Variants in GTF3C5 observed in about 807,000 individuals in gnomAD.
GTF3C5 encodes general transcription factor IIIC subunit 5, also known as general transcription factor 3C polypeptide 5.
In GTF3C5, 47 loss-of-function variants were observed where a neutral mutation model predicts 61.0. The ratio of observed to expected loss-of-function variants is 0.77; its 90% CI spans 0.61 to 0.98. The LOEUF is 0.98. Among genes scored for constraint, GTF3C5 ranks in the 50% least tolerant of loss-of-function variants. GTF3C5 has a pLI of 0.00. For missense variants in GTF3C5, 659 were observed against 703.3 expected (o/e 0.94, Z 0.71); for synonymous variants, 295 against 275.4 (o/e 1.07, Z -0.71).
chr9:133,035,788 G>C (rs910503655), intron 1 of GTF3C5, among the ~76,000 whole-genome samples: 1 of 152,124 alleles, frequency 6.6e-6, no homozygotes, highest in Non-Finnish European at 1.5e-5. Context: ...TGGTGTCCTG[G>C]GACATGGACA....
At chr9:133,056,181 CG>C (rs1829933825) in intron 9 of GTF3C5, 87 bp downstream of exon 9, 1 of 1,068,114 alleles carries the variant, frequency 9.4e-7, no homozygotes, top group African/African-American at 1.6e-5. Context: ...CACTTCACGT[CG>C]GCCTTCATCT....
intron 1 of GTF3C5, among the ~76,000 whole-genome samples, chr9:133,037,845 A>G (rs547888132): frequency 6.6e-6 from 1 of 152,188 alleles, no homozygotes; most frequent in Admixed American, 6.5e-5. Context: ...AAGGGAACAA[A>G]CAGAAGAGCG....
At position 133,043,887 on chromosome 9, in the gene GTF3C5, C is replaced by T. The variant is rs932025853; in HGVS notation, c.533C>T (p.Ala178Val). The T allele has an allele frequency of 3.1e-6, 5 of 1,613,974 alleles. No homozygotes were observed. Among genetic ancestry groups the T allele is most frequent in the Non-Finnish European group, 4.2e-6 (5 of 1,179,970 alleles). The change falls in exon 3 of 11, where the codon GCC becomes GTC. Residue 178 changes from alanine (A) to valine (V), a missense_variant. Transcript: ENST00000372097. ...CCACCCATCTTCTCCCGGCTGGACG[C>T]CCCGGTGGACTACTTCTACCGACCA... is the stretch of plus-strand genomic sequence containing the variant. ...IPPPIFSRLD[A>V]PVDYFYRPET...
chr9:133,051,598 G>A (rs757014150), intron 4 of GTF3C5, among the ~76,000 whole-genome samples: 3 of 152,150 alleles, frequency 2.0e-5, no homozygotes, highest in Admixed American at 6.5e-5. Context: ...CGTGAGGCCC[G>A]CTGCCCCAGC....
chr9:133,057,671 C>T, intron 10 of GTF3C5, 143 bp from the exon 11 acceptor site: 2 of 696,346 alleles, frequency 2.9e-6, no homozygotes, highest in Non-Finnish European at 4.6e-6. Flanking sequence ...GGGGCCTCCA[C>T]CCCATACTTA....
chr9:133,032,808 TC>T (rs1331088229), intron 1 of GTF3C5, among the ~76,000 whole-genome samples: 3 of 152,142 alleles, frequency 2.0e-5, no homozygotes, highest in Non-Finnish European at 2.9e-5. Flanking sequence ...CGAACAATCT[TC>T]CCGTTAGATC....
chr9:133,043,167 A>G (rs1361835804), intron 2 of GTF3C5, among the ~76,000 whole-genome samples: 1 of 152,230 alleles, frequency 6.6e-6, no homozygotes, highest in Non-Finnish European at 1.5e-5. Context: ...TGGGTTGGGC[A>G]TTTTTAATGG....
chr9:133,036,143 C>T, intron 1 of GTF3C5, among the ~76,000 whole-genome samples: 1 of 152,166 alleles, frequency 6.6e-6, no homozygotes, highest in East Asian at 1.9e-4. Flanking sequence ...TAAATAAGTG[C>T]TGCCCTGTTT....
At chr9:133,040,680 G>C (rs559973683) in intron 1 of GTF3C5, among the ~76,000 whole-genome samples, 1 of 152,198 alleles carries the variant, frequency 6.6e-6, no homozygotes, top group South Asian at 2.1e-4. Flanking sequence ...TTGCATATGA[G>C]ACTAAATACC....
chr9:133,044,145 C>CAAA, intron 3 of GTF3C5: 1 of 140,864 alleles, frequency 7.1e-6, no homozygotes. Context: ...ACTTTGTCTC[C>CAAA]CAAAAAAAAA....
chr9:133,042,952 G>A lies in GTF3C5; in HGVS notation c.373+646G>A, dbSNP rs891572751. Among the ~76,000 whole-genome samples, 7 of 152,178 alleles carry A rather than the reference G, an allele frequency of 4.6e-5. No homozygotes were observed. In the East Asian group the frequency reaches 5.8e-4, roughly 13 times the overall value. On this transcript the variant is annotated intron_variant, in intron 2 of 10. Transcript: ENST00000372097. Reference sequence around the variant, plus strand: ...TTCCTTAGGCCCTCGTGAAGATTCCGGGAGGCAATGCTTGTGAATGGGCCA... The same window carrying A: ...TTCCTTAGGCCCTCGTGAAGATTCCAGGAGGCAATGCTTGTGAATGGGCCA...
intron 8 of GTF3C5, chr9:133,055,063 A>G (rs1017598185): frequency 3.2e-6 from 5 of 1,551,464 alleles, no homozygotes; most frequent in Non-Finnish European, 4.4e-6. Flanking sequence ...CAGCAGCTGC[A>G]TGTGGTTGTC....
chr9:133,056,275 T>C (rs1349360702), intron 9 of GTF3C5, among the ~76,000 whole-genome samples, 181 bp downstream of exon 9: 1 of 152,180 alleles, frequency 6.6e-6, no homozygotes, highest in Non-Finnish European at 1.5e-5. Context: ...GGCGGTGCCC[T>C]ATAGAAAGCC....
Position 133,053,680 on chromosome 9 carries a change from C to T in GTF3C5, c.874-148C>T, listed in dbSNP as rs953159996. On this transcript the variant is annotated intron_variant, in intron 5 of 10. Coordinates refer to ENST00000372097, the MANE Select transcript of GTF3C5 (RefSeq NM_012087.4). ...AGGCCACGTGCCCTCACCAAGGTGACAGGGCCTGCATGTGGCAGAGCAGGG... is the reference window on the plus strand; with the variant it reads ...AGGCCACGTGCCCTCACCAAGGTGATAGGGCCTGCATGTGGCAGAGCAGGG... The T allele has an allele frequency of 3.9e-5, 19 of 489,148 alleles. No individual in the cohort carries two copies. The Admixed American group carries it at 6.1e-4, about 16-fold the overall frequency. 30.3% of individuals were successfully genotyped at this position (489,148 alleles called of 1,614,324 possible).
intron 9 of GTF3C5, among the ~76,000 whole-genome samples, chr9:133,056,414 C>G (rs908048318): frequency 2.0e-5 from 3 of 152,224 alleles, no homozygotes; most frequent in Non-Finnish European, 4.4e-5. Flanking sequence ...CTTTTATCGA[C>G]TTGTTCTCAG....
chr9:133,052,262 C>G lies in GTF3C5; in HGVS notation c.873+98C>G, dbSNP rs1004147484. ...AGAGCCACAGTAAGAGCAGCCAACC[C>G]CCTATCCTGGCTCCCCATCCTTCCT... On this transcript the variant is annotated intron_variant, in intron 5 of 10. Transcript: ENST00000372097. 9 of 653,384 alleles carry G rather than the reference C, an allele frequency of 1.4e-5. No homozygotes were observed. In the African/African-American group the frequency reaches 1.5e-4, roughly 11 times the overall value. 40.5% of individuals were successfully genotyped at this position (653,384 alleles called of 1,614,324 possible).
upstream of GTF3C5, chr9:133,030,910 G>A (rs771158991): frequency 3.7e-6 from 5 of 1,338,040 alleles, no homozygotes; most frequent in East Asian, 1.2e-4. Flanking sequence ...TGACGCGAGC[G>A]GTGAGGGAGC....
intron 1 of GTF3C5, among the ~76,000 whole-genome samples, chr9:133,035,285 CT>C (rs1426266601): frequency 6.6e-6 from 1 of 152,186 alleles, no homozygotes; most frequent in Non-Finnish European, 1.5e-5. Flanking sequence ...CTAATAAGTA[CT>C]TTAGGCAACC....
chr9:133,055,394 G>T, intron 8 of GTF3C5: 1 of 1,293,830 alleles, frequency 7.7e-7, no homozygotes, highest in African/African-American at 1.5e-5. Context: ...CGGGTGATGC[G>T]AGGGACTTGC....
Sources: allele counts gnomAD v4.1 joint callset (sites outside exome capture counted in the v4.1 genomes callset), GRCh38; gene constraint gnomAD v4.1.1; transcripts MANE v1.5; gene names NCBI Gene and HGNC (gene_info 2026-07-23, HGNC 2026-07-21).